Variants in RIMS3 observed in about 807,000 individuals in gnomAD.
RIMS3 encodes regulating synaptic membrane exocytosis protein 3.
In RIMS3, 15 loss-of-function variants were observed where a neutral mutation model predicts 29.2. The ratio of observed to expected loss-of-function variants is 0.51; its 90% CI spans 0.34 to 0.79. The LOEUF (loss-of-function observed/expected upper bound fraction) is 0.79. Ranked by LOEUF, RIMS3 falls within the 30% of genes least tolerant of loss-of-function variation. RIMS3 has a pLI of 0.01. For missense variants in RIMS3, 342 were observed against 421.4 expected, an observed-to-expected ratio of 0.81 and a Z score of 1.65; for synonymous variants, 161 against 170.1, an observed-to-expected ratio of 0.95 and a Z score of 0.41.
At chr1:40,652,517 T>G (rs747848225) in intron 1 of RIMS3, among the ~76,000 whole-genome samples, 2 of 151,602 alleles carry the variant, frequency 1.3e-5, no homozygotes, top group Non-Finnish European at 2.9e-5. Flanking sequence ...AAAAGATAGG[T>G]GAGGTTTTGG....
the RIMS3 span, chr1:40,691,888 T>G: frequency 2.6e-6 from 1 of 379,748 alleles, no homozygotes; most frequent in Non-Finnish European, 5.3e-6. Context: ...GTGCGGGAGT[T>G]TCTGTGCGAG....
intron 5 of RIMS3, among the ~76,000 whole-genome samples, chr1:40,631,968 T>C (rs976015119): frequency 6.6e-6 from 1 of 152,138 alleles, no homozygotes; most frequent in Non-Finnish European, 1.5e-5. Flanking sequence ...AGAGTGAGAC[T>C]CCATCTCGAA....
chr1:40,676,791 T>C, the RIMS3 span, among the ~76,000 whole-genome samples: 1 of 152,222 alleles, frequency 6.6e-6, no homozygotes. Flanking sequence ...CCCTTGCTTT[T>C]GTATGGTGTT....
At chr1:40,683,341 C>T in the RIMS3 span, among the ~76,000 whole-genome samples, 3 of 152,216 alleles carry the variant, frequency 2.0e-5, no homozygotes, top group Non-Finnish European at 4.4e-5. Flanking sequence ...GATGAGGTCA[C>T]GAGGGCTCTG....
At chr1:40,629,583 TAGGGGCATGATCTTC>T (rs370922049) in intron 5 of RIMS3, among the ~76,000 whole-genome samples, 241 of 151,868 alleles carry the variant, frequency 1.6e-3, no homozygotes, top group African/African-American at 5.6e-3. Context: ...TGGGTTGGGG[TAGGGGCATGATCTTC>T]AGGGGCATGA....
At position 40,624,582 on chromosome 1, in the gene RIMS3, G is replaced by A. The variant is rs1303524915; in HGVS notation, c.*1935C>T. 1 of 152,186 alleles carries A rather than the reference G, an allele frequency of 6.6e-6. No homozygotes were observed. The highest frequency in any genetic ancestry group is 6.5e-5 in the Admixed American group (1 of 15,284). 9.4% of individuals were successfully genotyped at this position (152,186 alleles called of 1,614,324 possible). A position where few individuals can be genotyped will look rare whatever the true frequency, so the allele number is the denominator to read the frequency against. On this transcript the variant is annotated 3_prime_UTR_variant, in exon 8 of 8. Coordinates refer to ENST00000372684, the MANE Select transcript of RIMS3 (RefSeq NM_014747.3). ...AGAATAGAGGCTCAGGCAGAGATAG[G>A]AGCCTGGGAGCTAACTCCGTTCATT...
At chr1:40,663,630 C>T (rs1642383773) in intron 1 of RIMS3, among the ~76,000 whole-genome samples, 1 of 152,294 alleles carries the variant, frequency 6.6e-6, no homozygotes, top group South Asian at 2.1e-4. Flanking sequence ...AGTTGGGAAG[C>T]CCAGAGAGTA....
At chr1:40,648,450 G>T (rs145795876) in intron 1 of RIMS3, among the ~76,000 whole-genome samples, 1 of 152,314 alleles carries the variant, frequency 6.6e-6, no homozygotes, top group East Asian at 1.9e-4. Context: ...ACCTAGATCT[G>T]CCACTTACAA....
chr1:40,667,109 G>A (rs552257262), upstream of RIMS3, among the ~76,000 whole-genome samples: 76 of 152,274 alleles, frequency 5.0e-4, no homozygotes, highest in African/African-American at 1.8e-3. Context: ...TTGCTAGGAG[G>A]CATAGTCATC....
the RIMS3 span, among the ~76,000 whole-genome samples, chr1:40,685,625 G>A: frequency 6.6e-6 from 1 of 151,832 alleles, no homozygotes; most frequent in African/African-American, 2.4e-5. Context: ...ATCCCCGTTG[G>A]GCTCAGTTAT....
chr1:40,661,556 G>A (rs1570206264), intron 1 of RIMS3, among the ~76,000 whole-genome samples: 1 of 152,296 alleles, frequency 6.6e-6, no homozygotes, highest in South Asian at 2.1e-4. Flanking sequence ...ACTGACTCTT[G>A]AAACCAGCCC....
At chr1:40,644,840 C>T (rs1646584233) in intron 2 of RIMS3, among the ~76,000 whole-genome samples, 1 of 152,222 alleles carries the variant, frequency 6.6e-6, no homozygotes, top group Admixed American at 6.5e-5. Flanking sequence ...TTCACTTGAC[C>T]CTGGGCCCCC....
chr1:40,688,437 G>C, the RIMS3 span, among the ~76,000 whole-genome samples: 1 of 152,186 alleles, frequency 6.6e-6, no homozygotes, highest in African/African-American at 2.4e-5. Flanking sequence ...AATTTTAATA[G>C]TAAGCAGAAA....
At chr1:40,677,553 C>T in the RIMS3 span, among the ~76,000 whole-genome samples, 1 of 151,746 alleles carries the variant, frequency 6.6e-6, no homozygotes, top group South Asian at 2.1e-4. Context: ...AAAAAATTAG[C>T]CAGGCATGGT....
At chr1:40,685,268 T>C in the RIMS3 span, among the ~76,000 whole-genome samples, 1 of 139,160 alleles carries the variant, frequency 7.2e-6, no homozygotes, top group South Asian at 2.2e-4. Flanking sequence ...AAATTTATTA[T>C]GAAAAACATA....
At chr1:40,638,987 G>A (rs1156768628) in intron 3 of RIMS3, among the ~76,000 whole-genome samples, 2 of 152,216 alleles carry the variant, frequency 1.3e-5, no homozygotes, top group African/African-American at 2.4e-5. Context: ...GCAGGAGGCA[G>A]GAGAGCTAGA....
At chr1:40,632,990 T>G in intron 5 of RIMS3, 79 bp downstream of exon 5, 1 of 1,088,644 alleles carries the variant, frequency 9.2e-7, no homozygotes, top group Non-Finnish European at 1.4e-6. Flanking sequence ...CGATGGCCAA[T>G]GCAGGGCCCC....
intron 1 of RIMS3, among the ~76,000 whole-genome samples, chr1:40,655,026 A>C (rs1642254944): frequency 6.6e-6 from 1 of 152,116 alleles, no homozygotes; most frequent in African/African-American, 2.4e-5. Context: ...CCTCCTTGCC[A>C]TCTGCCTTCT....
intron 2 of RIMS3, among the ~76,000 whole-genome samples, chr1:40,644,395 A>T (rs536832522): frequency 3.3e-4 from 51 of 152,340 alleles, no homozygotes; most frequent in Non-Finnish European, 6.2e-4. Context: ...TGCATTCAAC[A>T]AATATTTAAG....
Sources: gnomAD v4.1 joint callset for allele counts (sites outside exome capture counted in the v4.1 genomes callset) on GRCh38, gnomAD v4.1.1 for gene constraint, MANE v1.5 for transcripts, NCBI Gene and HGNC (gene_info 2026-07-23, HGNC 2026-07-21) for gene names.